Variants in LRPPRC observed in about 807,000 individuals in gnomAD.
LRPPRC encodes leucine-rich PPR motif-containing protein, mitochondrial.
A neutral mutation model predicts 180.3 loss-of-function variants in LRPPRC; 120 were observed. The observed-to-expected ratio is 0.67, with a 90% CI of 0.57 to 0.77. The LOEUF is 0.77. LRPPRC is among the 30% of genes least tolerant of loss of function. The pLI, the probability that LRPPRC is intolerant of heterozygous loss-of-function variation, is 0.00. For synonymous variants in LRPPRC, 723 were observed against 600.0 expected (o/e 1.21, Z -3.00); for missense variants, 2,012 against 1,657.2 (o/e 1.21, Z -3.72).
chr2:43,981,581 C>T (rs1242911558), intron 2 of LRPPRC, among the ~76,000 whole-genome samples: 2 of 151,524 alleles, frequency 1.3e-5, no homozygotes, highest in Non-Finnish European at 2.9e-5. Flanking sequence ...TGCTTGAACC[C>T]GGGAGGCAGA....
At chr2:43,990,490 T>C (rs1311631707) in intron 1 of LRPPRC, among the ~76,000 whole-genome samples, 1 of 152,170 alleles carries the variant, frequency 6.6e-6, no homozygotes, top group Non-Finnish European at 1.5e-5. Flanking sequence ...CTTCCAATCA[T>C]CAACTAACCT....
At chr2:43,946,051 T>C (rs1438200623) in intron 21 of LRPPRC, 62 bp downstream of exon 21, 1 of 1,500,756 alleles carries the variant, frequency 6.7e-7, no homozygotes, top group Non-Finnish European at 9.3e-7. Flanking sequence ...ATCTAGATAA[T>C]CTATCAAGGT....
In LRPPRC at chr2:43,974,698, T is replaced by G; in HGVS notation, c.925A>C (p.Ile309Leu). ...HLMDRDLLQI[I>L]FSFSKAGYPQ... ...TACCCAGCTTTACTGAAGCTAAAAA[T>G]AATTTGCAGTAAATCACGGTCCATA... The change falls in exon 8 of 38, where the codon ATT becomes CTT. Residue 309 changes from isoleucine to leucine, a missense_variant. Coordinates refer to ENST00000260665, the MANE Select transcript of LRPPRC (RefSeq NM_133259.4). 6.2e-7 allele frequency: 1 copy of G among 1,613,548 alleles called. No homozygotes were observed. Among genetic ancestry groups the G allele is most frequent in the African/African-American group, 1.3e-5 (1 of 75,034 alleles).
intron 27 of LRPPRC, among the ~76,000 whole-genome samples, chr2:43,920,496 A>G (rs1403350718): frequency 2.0e-5 from 3 of 152,166 alleles, no homozygotes. Flanking sequence ...AAATTAACCT[A>G]AAGTGCAGAG....
At chr2:43,954,975 T>G (rs1391793931) in intron 14 of LRPPRC, among the ~76,000 whole-genome samples, 2 of 152,228 alleles carry the variant, frequency 1.3e-5, no homozygotes, top group East Asian at 1.9e-4. Flanking sequence ...TACAGGTCTC[T>G]GCTTCTATAC....
At chr2:43,988,307 C>T (rs969364924) in intron 1 of LRPPRC, among the ~76,000 whole-genome samples, 3 of 150,290 alleles carry the variant, frequency 2.0e-5, no homozygotes, top group Admixed American at 6.6e-5. Context: ...GAGGCCAAGG[C>T]GGGCGGATCA....
chr2:43,975,714 CT>C (rs1379820661), intron 6 of LRPPRC, among the ~76,000 whole-genome samples: 1 of 152,004 alleles, frequency 6.6e-6, no homozygotes, highest in African/African-American at 2.4e-5. Context: ...TCCCAAGTAG[CT>C]GGGATTACAG....
At chr2:43,995,695 G>T in intron 1 of LRPPRC, 104 bp downstream of exon 1, 1 of 1,120,672 alleles carries the variant, frequency 8.9e-7, no homozygotes, top group South Asian at 2.3e-5. Flanking sequence ...CTGGGGCGGG[G>T]AGAAGGGTGG....
intron 1 of LRPPRC, among the ~76,000 whole-genome samples, chr2:43,983,888 G>C (rs1329631789): frequency 6.6e-6 from 1 of 152,070 alleles, no homozygotes; most frequent in Non-Finnish European, 1.5e-5. Context: ...TGATCTGGGA[G>C]AAATCATGAC....
chr2:43,895,568 TGAAAG>T (rs980240154), intron 35 of LRPPRC, among the ~76,000 whole-genome samples: 1 of 152,174 alleles, frequency 6.6e-6, no homozygotes, highest in Non-Finnish European at 1.5e-5. Flanking sequence ...ACAGCCTCTC[TGAAAG>T]GAAAGAAGGG....
At chr2:43,910,107 T>C (rs950611249) in intron 30 of LRPPRC, among the ~76,000 whole-genome samples, 2 of 152,182 alleles carry the variant, frequency 1.3e-5, no homozygotes, top group African/African-American at 2.4e-5. Flanking sequence ...TCCCACTTAA[T>C]AGATGTCATG....
intron 27 of LRPPRC, among the ~76,000 whole-genome samples, chr2:43,920,886 T>A (rs1271145035): frequency 6.6e-6 from 1 of 152,154 alleles, no homozygotes; most frequent in African/African-American, 2.4e-5. Context: ...CTCCGTGCCT[T>A]TAGGCTGCAA....
At chr2:43,953,942 G>A (rs981605363) in intron 14 of LRPPRC, among the ~76,000 whole-genome samples, 1 of 152,176 alleles carries the variant, frequency 6.6e-6, no homozygotes, top group African/African-American at 2.4e-5. Flanking sequence ...GGCCAAGGCT[G>A]GGGGTTCACT....
chr2:43,941,933 T>C (rs1188372364), intron 23 of LRPPRC, among the ~76,000 whole-genome samples: 1 of 147,876 alleles, frequency 6.8e-6, no homozygotes, highest in Non-Finnish European at 1.5e-5. Flanking sequence ...AAAACACCAA[T>C]AATGAAAAGA....
intron 29 of LRPPRC, among the ~76,000 whole-genome samples, chr2:43,915,240 A>T (rs998371819): frequency 0.027 from 1,968 of 72,964 alleles, 13 homozygotes; most frequent in South Asian, 0.051. Flanking sequence ...TCTCACACAC[A>T]CACACACACA....
chr2:43,918,826 T>TAG (rs1671586092), intron 27 of LRPPRC, among the ~76,000 whole-genome samples: 1 of 146,890 alleles, frequency 6.8e-6, no homozygotes, highest in Non-Finnish European at 1.5e-5. Flanking sequence ...TATATATCTA[T>TAG]ATATAGATAT....
chr2:43,888,586 A>G lies in LRPPRC; in HGVS notation c.*14T>C, dbSNP rs1164909616. The stretch of plus-strand genomic sequence containing the variant: ...ATCACAAATATATACAAAACAAAGT[A>G]TCGCCTGGTTATTTCAAGAAGAGTT... On this transcript the variant is annotated 3_prime_UTR_variant, in exon 38 of 38. Transcript: ENST00000260665. 1.3e-6 allele frequency: 2 copies of G among 1,498,816 alleles called. No individual in the cohort carries two copies. Among genetic ancestry groups the G allele is most frequent in the South Asian group, 2.3e-5 (2 of 88,596 alleles). 92.8% of individuals were successfully genotyped at this position (1,498,816 alleles called of 1,614,324 possible).
intron 1 of LRPPRC, among the ~76,000 whole-genome samples, chr2:43,989,143 G>C (rs764378077): frequency 6.6e-6 from 1 of 152,204 alleles, no homozygotes. Context: ...AAAGTGCGGA[G>C]ATTACTGGGC....
rs1200465635 is a variant in LRPPRC at position 43,925,584 on chromosome 2, G to C, written c.2805+309C>G. Among the ~76,000 whole-genome samples, 3 of 152,202 alleles carry C rather than the reference G, an allele frequency of 2.0e-5. No individual in the cohort carries two copies. The East Asian group carries it at 5.8e-4, about 29-fold the overall frequency. On this transcript the variant is annotated intron_variant, in intron 26 of 37. Coordinates refer to ENST00000260665, the MANE Select transcript of LRPPRC (RefSeq NM_133259.4). The stretch of plus-strand genomic sequence containing the variant: ...CAGAGGAGGGCAAGCAGAAATTCCA[G>C]AGCTCTGGGAAGCAACTCCTTCTTC...
Sources: gnomAD v4.1 joint callset for allele counts (sites outside exome capture counted in the v4.1 genomes callset) on GRCh38, gnomAD v4.1.1 for gene constraint, MANE v1.5 for transcripts, NCBI Gene and HGNC (gene_info 2026-07-23, HGNC 2026-07-21) for gene names.